EIF3H: variants seen among roughly 807,000 people sequenced by gnomAD.
EIF3H encodes the protein eukaryotic translation initiation factor 3 subunit H.
EIF3H carries 26 observed loss-of-function variants against 44.2 expected under a neutral mutation model. That is an observed-to-expected ratio of 0.59 (90% CI 0.43 to 0.82). The LOEUF is 0.82. Among genes scored for constraint, EIF3H ranks in the 40% least tolerant of loss-of-function variants. The pLI is 0.00. For missense variants in EIF3H, 359 were observed against 432.8 expected (o/e 0.83, Z 1.51); for synonymous variants, 166 against 151.9 (o/e 1.09, Z -0.68).
chr8:116,682,030 A>C (rs2130845391), intron 2 of EIF3H, among the ~76,000 whole-genome samples: 1 of 152,388 alleles, frequency 6.6e-6, no homozygotes, highest in East Asian at 1.9e-4. Flanking sequence ...GAACTGCATC[A>C]TAGAATCCAG....
intron 1 of EIF3H, among the ~76,000 whole-genome samples, chr8:116,734,024 T>C (rs1005037676): frequency 1.3e-5 from 2 of 152,210 alleles, no homozygotes; most frequent in African/African-American, 4.8e-5. Context: ...CTTTATGATA[T>C]CACACTAATC....
At chr8:116,676,116 G>C (rs973446258) in intron 2 of EIF3H, among the ~76,000 whole-genome samples, 3 of 152,226 alleles carry the variant, frequency 2.0e-5, no homozygotes, top group African/African-American at 7.2e-5. Context: ...TAAAAGGTTA[G>C]ATTAAACTAA....
intron 2 of EIF3H, among the ~76,000 whole-genome samples, chr8:116,678,164 T>G (rs1401028076): frequency 3.1e-4 from 46 of 146,242 alleles, no homozygotes; most frequent in African/African-American, 8.6e-4. Flanking sequence ...TGGTTTTCGT[T>G]TTTTTTTTTT....
chr8:116,650,575 A>T (rs1403169172), intron 5 of EIF3H, among the ~76,000 whole-genome samples: 1 of 152,262 alleles, frequency 6.6e-6, no homozygotes, highest in Non-Finnish European at 1.5e-5. Context: ...CTTAAACATG[A>T]ATAAAGTTCT....
At chr8:116,734,564 G>A (rs1432026241) in intron 1 of EIF3H, among the ~76,000 whole-genome samples, 1 of 152,056 alleles carries the variant, frequency 6.6e-6, no homozygotes, top group Non-Finnish European at 1.5e-5. Context: ...GCAGAAAGTT[G>A]TTTGTTTTTG....
intron 2 of EIF3H, among the ~76,000 whole-genome samples, chr8:116,676,933 C>T (rs988255740): frequency 1.3e-5 from 2 of 148,346 alleles, no homozygotes; most frequent in Admixed American, 6.7e-5. Flanking sequence ...GGGTGCTTTA[C>T]TAAGTCCTTG....
At chr8:116,706,625 C>T (rs751303139) in intron 2 of EIF3H, among the ~76,000 whole-genome samples, 9 of 152,182 alleles carry the variant, frequency 5.9e-5, no homozygotes, top group Non-Finnish European at 1.3e-4. Flanking sequence ...ACCTCCATTT[C>T]CCGGTTTCAA....
At chr8:116,648,308 G>A (rs1049979403) in intron 6 of EIF3H, among the ~76,000 whole-genome samples, 2 of 152,212 alleles carry the variant, frequency 1.3e-5, no homozygotes, top group African/African-American at 4.8e-5. Context: ...AGCCGTAGAT[G>A]TGTGCATATG....
chr8:116,671,914 C>T (rs10085939), intron 2 of EIF3H, among the ~76,000 whole-genome samples: 129,717 of 152,244 alleles, frequency 0.85, 55,440 homozygotes, highest in Non-Finnish European at 0.89. Context: ...AAGATCTGAA[C>T]TGCAATTTTG....
intron 1 of EIF3H, among the ~76,000 whole-genome samples, chr8:116,764,505 T>C (rs1483357222): frequency 6.6e-6 from 1 of 152,174 alleles, no homozygotes; most frequent in Non-Finnish European, 1.5e-5. Flanking sequence ...ATAATAATGA[T>C]TTGGGGAGAT....
intron 2 of EIF3H, among the ~76,000 whole-genome samples, chr8:116,681,163 G>C (rs1813982662): frequency 6.6e-6 from 1 of 152,034 alleles, no homozygotes; most frequent in Non-Finnish European, 1.5e-5. Context: ...AGGAGTTCGA[G>C]ACCAGCCTGG....
intron 2 of EIF3H, among the ~76,000 whole-genome samples, chr8:116,702,052 A>C (rs1439792916): frequency 6.6e-6 from 1 of 152,190 alleles, no homozygotes; most frequent in Non-Finnish European, 1.5e-5. Flanking sequence ...TCATCATGAG[A>C]TAAGCATATG....
In EIF3H at chr8:116,646,466, A is replaced by G. The variant is rs1313008904; in HGVS notation, c.961+5T>C. The G allele has an allele frequency of 6.2e-7, 1 of 1,614,128 alleles. No individual in the cohort carries two copies. Among genetic ancestry groups the G allele is most frequent in the Non-Finnish European group, 8.5e-7 (1 of 1,180,012 alleles). ...CCAGCCAGGTTTTGCACTGGGCAAC[A>G]ATACCTGCAATGAGCAGCGAGTCCA... On this transcript the variant is annotated splice_donor_5th_base_variant and intron_variant, in intron 7 of 7. Transcript: ENST00000521861.
chr8:116,717,808 T>C (rs776363925), intron 2 of EIF3H, among the ~76,000 whole-genome samples: 2 of 152,196 alleles, frequency 1.3e-5, no homozygotes, highest in East Asian at 1.9e-4. Context: ...GAAGCTAACA[T>C]TGGAGAAGCC....
intron 2 of EIF3H, among the ~76,000 whole-genome samples, chr8:116,702,733 C>A (rs1814399155): frequency 6.6e-6 from 1 of 152,136 alleles, no homozygotes; most frequent in Admixed American, 6.5e-5. Context: ...GCACAGAGAA[C>A]AACAGTACAG....
rs1343834513 is a variant in EIF3H at position 116,655,185 on chromosome 8, T to C, written c.707+671A>G. ...TCACATTTCTGTTAAGAGTAATAGATGAGGGGGAAATAAACATTAATTTAA... is the reference window on the plus strand; with the variant it reads ...TCACATTTCTGTTAAGAGTAATAGACGAGGGGGAAATAAACATTAATTTAA... On this transcript the variant is annotated intron_variant, in intron 5 of 7. Coordinates refer to ENST00000521861, the MANE Select transcript of EIF3H (RefSeq NM_003756.3). Among the ~76,000 whole-genome samples, 3 of 151,858 alleles carry C rather than the reference T, an allele frequency of 2.0e-5. No individual in the cohort carries two copies. The East Asian group carries it at 5.8e-4, about 29-fold the overall frequency.
intron 5 of EIF3H, among the ~76,000 whole-genome samples, chr8:116,653,297 T>C (rs1813426992): frequency 6.6e-6 from 1 of 150,776 alleles, no homozygotes; most frequent in Non-Finnish European, 1.5e-5. Context: ...ACTTTAAGCA[T>C]TTCATAACTT....
At chr8:116,722,327 C>T (rs1343919450) in intron 2 of EIF3H, among the ~76,000 whole-genome samples, 1 of 152,180 alleles carries the variant, frequency 6.6e-6, no homozygotes, top group Non-Finnish European at 1.5e-5. Flanking sequence ...CCATGTGGAA[C>T]TGTGAATCCA....
chr8:116,760,168 T>C (rs1010210923), upstream of EIF3H, among the ~76,000 whole-genome samples: 15 of 152,268 alleles, frequency 9.9e-5, 1 homozygote, highest in South Asian at 2.7e-3. Flanking sequence ...CTCTGTCTCC[T>C]GCCATGTTTG....
Sources: allele counts gnomAD v4.1 joint callset (sites outside exome capture counted in the v4.1 genomes callset), GRCh38; gene constraint gnomAD v4.1.1; transcripts MANE v1.5; gene names NCBI Gene and HGNC (gene_info 2026-07-23, HGNC 2026-07-21).